The following AFF3 variants were observed in gnomAD, a reference collection of about 807,000 sequenced individuals.
The protein encoded by AFF3 is AF4/FMR2 family member 3.
A neutral mutation model predicts 129.7 loss-of-function variants in AFF3; 32 were observed. The ratio of observed to expected loss-of-function variants is 0.25; its 90% confidence interval spans 0.19 to 0.33. The LOEUF (loss-of-function observed/expected upper bound fraction) is 0.33, where lower values mean the gene tolerates loss of function less well. AFF3 is among the 10% of genes least tolerant of loss of function. The pLI is 1.00. For missense variants in AFF3, 1,373 were observed against 1,592.0 expected (o/e 0.86, Z 2.34); for synonymous variants, 644 against 635.4 (o/e 1.01, Z -0.20).
At chr2:99,874,504 TG>T (rs1437863006) in intron 7 of AFF3, among the ~76,000 whole-genome samples, 1 of 152,162 alleles carries the variant, frequency 6.6e-6, no homozygotes. Flanking sequence ...GGAACTGATT[TG>T]GGGGGTTGTT....
At chr2:99,775,179 ATTCC>A (rs2105346299) in intron 8 of AFF3, among the ~76,000 whole-genome samples, 1 of 152,338 alleles carries the variant, frequency 6.6e-6, no homozygotes, top group Admixed American at 6.5e-5. Flanking sequence ...CAGTGTGGCA[ATTCC>A]TCAAAGACCT....
chr2:99,787,536 C>T (rs1004308303), intron 8 of AFF3, among the ~76,000 whole-genome samples: 8 of 152,228 alleles, frequency 5.3e-5, no homozygotes. Flanking sequence ...GCCCTTGCCA[C>T]AGACAGCATA....
chr2:99,861,211 T>C (rs545685406), intron 7 of AFF3, among the ~76,000 whole-genome samples: 2 of 152,362 alleles, frequency 1.3e-5, no homozygotes, highest in East Asian at 3.9e-4. Context: ...GCTCCAAAAT[T>C]GATGTTGCCA....
At chr2:99,821,427 G>A (rs1013464647) in intron 8 of AFF3, among the ~76,000 whole-genome samples, 8 of 151,890 alleles carry the variant, frequency 5.3e-5, no homozygotes, top group African/African-American at 1.9e-4. Flanking sequence ...ATTGTCTTGG[G>A]TCACATATAA....
Position 99,548,413 on chromosome 2 carries a change from C to G in AFF3, c.*3061G>C, listed in dbSNP as rs902828998. On this transcript the variant is annotated 3_prime_UTR_variant, in exon 25 of 25. Coordinates refer to ENST00000672756, the MANE Select transcript of AFF3 (RefSeq NM_001386135.1). ...GAGTTTTTACAATGAGTAGATATTACTTTTCTAATTAGAAAACACAAGAAA... is the reference window on the plus strand; with the variant it reads ...GAGTTTTTACAATGAGTAGATATTAGTTTTCTAATTAGAAAACACAAGAAA... The G allele has an allele frequency of 5.1e-6, 1 of 196,200 alleles. No individual in the cohort carries two copies. The highest frequency in any genetic ancestry group is 2.3e-5 in the African/African-American group (1 of 43,338). The allele number at this position is 196,200 out of a possible 1,614,324, so 12.2% of individuals were successfully genotyped here. A position where few individuals can be genotyped will look rare whatever the true frequency, so the allele number is the denominator to read the frequency against.
chr2:99,726,354 G>C (rs1679361940), intron 11 of AFF3, among the ~76,000 whole-genome samples: 1 of 152,144 alleles, frequency 6.6e-6, no homozygotes, highest in Non-Finnish European at 1.5e-5. Context: ...CTTATAATAA[G>C]AAAACACATG....
chr2:99,942,217 C>T (rs765439286), intron 7 of AFF3, among the ~76,000 whole-genome samples: 1 of 152,124 alleles, frequency 6.6e-6, no homozygotes, highest in Non-Finnish European at 1.5e-5. Context: ...GGAGGACACA[C>T]TCAGGAAGTA....
chr2:99,745,389 A>G (rs1293851397), intron 9 of AFF3, among the ~76,000 whole-genome samples: 1 of 152,198 alleles, frequency 6.6e-6, no homozygotes, highest in Non-Finnish European at 1.5e-5. Flanking sequence ...TTAAAGTTCT[A>G]AAAATTTTTA....
At chr2:99,592,660 G>A (rs552118920) in intron 15 of AFF3, among the ~76,000 whole-genome samples, 20 of 152,270 alleles carry the variant, frequency 1.3e-4, no homozygotes, top group African/African-American at 4.3e-4. Context: ...TAGGCTGGGC[G>A]TGGTGGCTCA....
chr2:99,713,687 G>C lies in AFF3; in HGVS notation c.1091+13390C>G, dbSNP rs188688102. On this transcript the variant is annotated intron_variant, in intron 11 of 24. Coordinates refer to ENST00000672756, the MANE Select transcript of AFF3 (RefSeq NM_001386135.1). ...CTGGGCAATTAAACAGGAGACAGGG[G>C]AATATAGACTCCCTATTTTTTTTTT... Among the ~76,000 whole-genome samples the C allele has an allele frequency of 1.2e-3, 178 of 152,036 alleles. 1 individual carries two copies. The highest frequency in any genetic ancestry group is 4.1e-3 in the African/African-American group (170 of 41,490).
intron 8 of AFF3, among the ~76,000 whole-genome samples, chr2:99,824,230 C>T (rs1687909107): frequency 1.3e-5 from 2 of 152,036 alleles, no homozygotes; most frequent in African/African-American, 4.8e-5. Flanking sequence ...ATTCTCCTGC[C>T]TCAGCCTCCC....
chr2:99,557,279 C>CT (rs201716560), intron 22 of AFF3, among the ~76,000 whole-genome samples: 4,212 of 133,638 alleles, frequency 0.032, 193 homozygotes, highest in African/African-American at 0.097. Context: ...TTGTGTTTTC[C>CT]TTTTTTTTTT....
Position 100,133,940 on chromosome 2 carries a change from TAAATA to T in AFF3, c.-227-4639_-227-4635del, listed in dbSNP as rs538496478. Among the ~76,000 whole-genome samples, 495 of 151,998 alleles carry T rather than the reference TAAATA, an allele frequency of 3.3e-3. 6 individuals are homozygous for T. The highest frequency in any genetic ancestry group is 0.011 in the African/African-American group (473 of 41,468). On this transcript the variant is annotated intron_variant, in intron 1 of 24. Coordinates refer to ENST00000672756, the MANE Select transcript of AFF3 (RefSeq NM_001386135.1). Reference sequence around the variant, plus strand: ...AGAGCGAGACTCTGTCTCAAAAAAATAAATAAAATAAAATAACAATAATAATATAA... The same window carrying T: ...AGAGCGAGACTCTGTCTCAAAAAAATAAATAAAATAACAATAATAATATAA...
intron 1 of AFF3, among the ~76,000 whole-genome samples, chr2:100,136,163 G>A (rs1026375910): frequency 1.3e-5 from 2 of 152,230 alleles, no homozygotes; most frequent in African/African-American, 4.8e-5. Context: ...TTGTGCGAGA[G>A]CTGGGTCTGT....
At chr2:100,137,075 T>C (rs1692667727) in intron 1 of AFF3, among the ~76,000 whole-genome samples, 1 of 152,232 alleles carries the variant, frequency 6.6e-6, no homozygotes, top group Non-Finnish European at 1.5e-5. Flanking sequence ...TTTTGAATTA[T>C]TTTACTGCTG....
chr2:99,719,838 A>G (rs1197623771), intron 11 of AFF3, among the ~76,000 whole-genome samples: 1 of 152,148 alleles, frequency 6.6e-6, no homozygotes, highest in African/African-American at 2.4e-5. Context: ...TCACAAGGTC[A>G]GGAGATGGAG....
intron 1 of AFF3, among the ~76,000 whole-genome samples, chr2:100,136,086 T>A (rs913634505): frequency 1.3e-5 from 2 of 152,130 alleles, no homozygotes; most frequent in East Asian, 3.9e-4. Context: ...TTAGAGAAAT[T>A]AGCAATTCTG....
chr2:99,612,005 T>A (rs1680979540), intron 13 of AFF3, among the ~76,000 whole-genome samples: 1 of 152,138 alleles, frequency 6.6e-6, no homozygotes, highest in African/African-American at 2.4e-5. Context: ...TTCTCCAGCA[T>A]CCACTCTGTG....
At chr2:99,594,534 G>A in intron 14 of AFF3, among the ~76,000 whole-genome samples, 1 of 152,098 alleles carries the variant, frequency 6.6e-6, no homozygotes, top group East Asian at 1.9e-4. Context: ...TTCCTCTTTG[G>A]AAAAATAAGG....
Sources: gnomAD v4.1 joint callset for allele counts (sites outside exome capture counted in the v4.1 genomes callset) on GRCh38, gnomAD v4.1.1 for gene constraint, MANE v1.5 for transcripts, NCBI Gene and HGNC (gene_info 2026-07-23, HGNC 2026-07-21) for gene names.